TAFA4: variants seen among roughly 807,000 people sequenced by gnomAD.
TAFA4 encodes TAFA chemokine like family member 4, also known as chemokine-like protein TAFA-4.
A neutral mutation model predicts 21.1 loss-of-function variants in TAFA4; 20 were observed. The ratio of observed to expected loss-of-function variants is 0.95; its 90% CI spans 0.67 to 1.38. TAFA4 has a LOEUF of 1.38. TAFA4 is among the 40% of genes most tolerant of loss of function. The probability of loss-of-function intolerance (pLI) is 0.00; values close to 1 mark genes in which losing one functional copy is unlikely to be tolerated. For synonymous variants in TAFA4, 71 were observed against 67.4 expected (o/e 1.05, Z -0.26); for missense variants, 211 against 180.9 (o/e 1.17, Z -0.95).
chr3:68,767,304 G>A (rs1489996), intron 3 of TAFA4, among the ~76,000 whole-genome samples: 30,875 of 151,956 alleles, frequency 0.2, 3,993 homozygotes, highest in East Asian at 0.61. Context: ...AAAGAGTGGC[G>A]AAAGGAAGCC....
At chr3:68,800,425 G>A (rs1703552573) in intron 3 of TAFA4, among the ~76,000 whole-genome samples, 1 of 152,162 alleles carries the variant, frequency 6.6e-6, no homozygotes. Context: ...GAACCCCAGT[G>A]AGCACAACAA....
chr3:68,830,566 T>C (rs1438546706), intron 3 of TAFA4, among the ~76,000 whole-genome samples: 1 of 152,228 alleles, frequency 6.6e-6, no homozygotes, highest in African/African-American at 2.4e-5. Flanking sequence ...TTTGTTGTGA[T>C]TTCTGTTCTT....
At chr3:68,752,087 T>G (rs1350556942) in intron 4 of TAFA4, among the ~76,000 whole-genome samples, 1 of 152,050 alleles carries the variant, frequency 6.6e-6, no homozygotes, top group Non-Finnish European at 1.5e-5. Context: ...TGATCTGGAG[T>G]TAAGAATGTG....
At chr3:68,767,748 A>C (rs879944932) in intron 3 of TAFA4, among the ~76,000 whole-genome samples, 2 of 152,082 alleles carry the variant, frequency 1.3e-5, no homozygotes, top group Admixed American at 6.6e-5. Context: ...ATAGTATCTT[A>C]CATTCATAGG....
chr3:68,873,260 C>T (rs1202404059), intron 3 of TAFA4, among the ~76,000 whole-genome samples: 3 of 144,304 alleles, frequency 2.1e-5, no homozygotes, highest in Non-Finnish European at 4.4e-5. Context: ...GATCAAACAA[C>T]GTCATACTTG....
intron 3 of TAFA4, among the ~76,000 whole-genome samples, chr3:68,873,145 T>G (rs2089502671): frequency 6.6e-6 from 1 of 152,072 alleles, no homozygotes; most frequent in African/African-American, 2.4e-5. Flanking sequence ...CAGGTTCTGA[T>G]GTGTCACACA....
chr3:68,797,186 A>G (rs1054765938), intron 3 of TAFA4, among the ~76,000 whole-genome samples: 2 of 152,208 alleles, frequency 1.3e-5, no homozygotes, highest in African/African-American at 2.4e-5. Flanking sequence ...ACCTGAACAG[A>G]TATTTGTACA....
chr3:68,851,483 T>G (rs55689317), intron 3 of TAFA4, among the ~76,000 whole-genome samples: 2 of 151,926 alleles, frequency 1.3e-5, no homozygotes, highest in Non-Finnish European at 2.9e-5. Flanking sequence ...GAATTTAAAA[T>G]AAAAATAATA....
chr3:68,735,176 CAA>C (rs1702216016), intron 5 of TAFA4, among the ~76,000 whole-genome samples: 1 of 128,454 alleles, frequency 7.8e-6, no homozygotes, highest in Non-Finnish European at 1.7e-5. Flanking sequence ...CATTAAAAGA[CAA>C]GTGGAATTTT....
chr3:68,856,222 G>T (rs557788411), intron 3 of TAFA4, among the ~76,000 whole-genome samples: 40 of 152,286 alleles, frequency 2.6e-4, no homozygotes, highest in Admixed American at 2.4e-3. Context: ...GGTTACCCCT[G>T]AGGAGAAAAC....
At chr3:68,743,575 CAAAAAAA>C (rs1156284708) in intron 4 of TAFA4, among the ~76,000 whole-genome samples, 1 of 65,746 alleles carries the variant, frequency 1.5e-5, no homozygotes, top group Non-Finnish European at 3.0e-5. Flanking sequence ...GACTCTGTCT[CAAAAAAA>C]AAAAAAAGAA....
At chr3:68,872,997 A>G (rs1253458649) in intron 3 of TAFA4, among the ~76,000 whole-genome samples, 2 of 152,142 alleles carry the variant, frequency 1.3e-5, no homozygotes, top group African/African-American at 4.8e-5. Flanking sequence ...TTATTTGCTT[A>G]GCAAATCCCT....
At chr3:68,739,340 A>C (rs1236219721) in intron 4 of TAFA4, 141 bp from the exon 5 acceptor site, 11 of 976,098 alleles carry the variant, frequency 1.1e-5, no homozygotes, top group South Asian at 8.7e-5. Context: ...GAATCCAATC[A>C]GGCATATACT....
intron 1 of TAFA4, among the ~76,000 whole-genome samples, chr3:68,926,468 A>G (rs2090108838): frequency 6.6e-6 from 1 of 152,210 alleles, no homozygotes; most frequent in African/African-American, 2.4e-5. Flanking sequence ...TGATGAAAAG[A>G]ACTGTGGCCT....
chr3:68,737,304 G>C (rs1022634121), intron 5 of TAFA4, among the ~76,000 whole-genome samples: 1 of 152,038 alleles, frequency 6.6e-6, no homozygotes, highest in African/African-American at 2.4e-5. Flanking sequence ...CTTAAGGCAG[G>C]GTTTGCTTAG....
intron 1 of TAFA4, among the ~76,000 whole-genome samples, chr3:68,890,687 T>C (rs1346575542): frequency 6.6e-6 from 1 of 152,242 alleles, no homozygotes; most frequent in Non-Finnish European, 1.5e-5. Flanking sequence ...TTATGCTGTC[T>C]GGTACCAAGG....
At chr3:68,761,233 A>G (rs1702750769) in intron 3 of TAFA4, among the ~76,000 whole-genome samples, 1 of 152,232 alleles carries the variant, frequency 6.6e-6, no homozygotes, top group African/African-American at 2.4e-5. Flanking sequence ...CACTGCAGAT[A>G]CTGAATAAAT....
intron 1 of TAFA4, among the ~76,000 whole-genome samples, chr3:68,919,860 T>A (rs923127311): frequency 1.5e-4 from 23 of 152,174 alleles, no homozygotes; most frequent in African/African-American, 4.6e-4. Context: ...AGTCCCCACG[T>A]TTTCCAGACA....
chr3:68,760,867 G>A (rs1338742671), intron 3 of TAFA4, among the ~76,000 whole-genome samples: 1 of 152,194 alleles, frequency 6.6e-6, no homozygotes, highest in Non-Finnish European at 1.5e-5. Context: ...GGACAAACTT[G>A]GTAGTTTAGT....
Sources: allele counts gnomAD v4.1 joint callset (sites outside exome capture counted in the v4.1 genomes callset), GRCh38; gene constraint gnomAD v4.1.1; transcripts MANE v1.5; gene names NCBI Gene and HGNC (gene_info 2026-07-23, HGNC 2026-07-21).